OPN4: variants seen among roughly 807,000 people sequenced by gnomAD.
OPN4 encodes opsin 4.
Under a neutral mutation model 49.5 loss-of-function variants are expected in OPN4, and 43 were observed. That is an observed-to-expected ratio of 0.87 (90% CI 0.68 to 1.12). OPN4 has a LOEUF of 1.12. Ranked by LOEUF, OPN4 falls within the 50% of genes most tolerant of loss-of-function variation. The pLI is 0.00. For missense variants in OPN4, 657 were observed against 643.9 expected (o/e 1.02, Z -0.22); for synonymous variants, 263 against 258.0 (o/e 1.02, Z -0.19).
rs899754118 is a variant in OPN4 at position 86,666,167 on chromosome 10, C to T, written c.*416C>T. ...TGGCATAGGAAGGCCAGCCCCGCAT[C>T]TCCCACTGCCAACAGCTGAAGCCGA... On this transcript the variant is annotated 3_prime_UTR_variant, in exon 10 of 10. Transcript: ENST00000241891. 1 of 214,302 alleles carries T rather than the reference C, an allele frequency of 4.7e-6. No individual in the cohort carries two copies. The highest frequency in any genetic ancestry group is 5.4e-5 in the Admixed American group (1 of 18,680). The allele number at this position is 214,302 out of a possible 1,614,324, so 13.3% of individuals were successfully genotyped here.
intron 8 of OPN4, among the ~76,000 whole-genome samples, chr10:86,662,639 G>A (rs1206765094): frequency 6.6e-6 from 1 of 152,256 alleles, no homozygotes; most frequent in Non-Finnish European, 1.5e-5. Context: ...TAGGGCCAGA[G>A]CGGGGATGGT....
intron 4 of OPN4, among the ~76,000 whole-genome samples, 178 bp from the exon 5 acceptor site, chr10:86,659,119 G>A (rs1843939763): frequency 6.6e-6 from 1 of 152,200 alleles, no homozygotes; most frequent in Non-Finnish European, 1.5e-5. Context: ...GCAGGAATGG[G>A]AGGCAGTGGG....
Position 86,654,680 on chromosome 10 carries a change from G to A in OPN4, c.-104G>A. 6.7e-7 allele frequency: 1 copy of A among 1,483,070 alleles called. No homozygotes were observed. Among genetic ancestry groups the A allele is most frequent in the Non-Finnish European group, 9.2e-7 (1 of 1,092,582 alleles). The allele number at this position is 1,483,070 out of a possible 1,614,324, so 91.9% of individuals were successfully genotyped here. ...AGCAGCGGGTAGGCTAAGCAGGGGT[G>A]CTGAGGATGGAGGAAAGTTGGGAGG... On this transcript the variant is annotated 5_prime_UTR_variant, in exon 1 of 10. Transcript: ENST00000241891.
intron 2 of OPN4, among the ~76,000 whole-genome samples, chr10:86,656,543 C>T (rs1028614748): frequency 6.6e-6 from 1 of 152,166 alleles, no homozygotes; most frequent in Admixed American, 6.5e-5. Context: ...GGTGCATCCT[C>T]TGTGGAGGGT....
At chr10:86,658,301 G>A in intron 3 of OPN4, 136 bp downstream of exon 3, 2 of 1,318,250 alleles carry the variant, frequency 1.5e-6, no homozygotes, top group Non-Finnish European at 2.1e-6. Flanking sequence ...AGTCCTGTGA[G>A]TAAGCAAGAA....
chr10:86,656,248 G>C lies in OPN4; in HGVS notation c.238G>C (p.Val80Leu). 1.2e-6 allele frequency: 2 copies of C among 1,613,788 alleles called. No individual in the cohort carries two copies. Among genetic ancestry groups the C allele is most frequent in the Non-Finnish European group, 1.7e-6 (2 of 1,179,838 alleles). Residue 80 changes from valine (V) to leucine (L), a missense_variant, in exon 2 of 10, where the codon GTG (valine) becomes CTG (leucine). Transcript: ENST00000241891. ...HYTLGTVILL[V>L]GLTGMLGNLT... The stretch of plus-strand genomic sequence containing the variant: ...TACCCTGGGCACAGTGATCTTGCTG[G>C]TGGGACTCACGGGGATGCTGGGCAA...
chr10:86,663,593 G>GT (rs1844069981), intron 8 of OPN4, 66 bp from the exon 9 acceptor site: 3 of 1,398,392 alleles, frequency 2.1e-6, no homozygotes, highest in Non-Finnish European at 2.8e-6. Flanking sequence ...GCCTGGTGGG[G>GT]TAAGGGCAGG....
At chr10:86,663,624 C>T in intron 8 of OPN4, 35 bp from the exon 9 acceptor site, 1 of 1,467,786 alleles carries the variant, frequency 6.8e-7, no homozygotes, top group Non-Finnish European at 9.0e-7. Context: ...CGGACTGTCC[C>T]TCTCACCTCA....
At chr10:86,659,790 A>G in intron 5 of OPN4, 105 bp from the exon 6 acceptor site, 2 of 1,213,458 alleles carry the variant, frequency 1.6e-6, no homozygotes, top group Non-Finnish European at 2.3e-6. Flanking sequence ...CACTCTCACG[A>G]GTGCCCTGCA....
chr10:86,656,945 A>C (rs1843883061), intron 2 of OPN4, among the ~76,000 whole-genome samples: 2 of 40,288 alleles, frequency 5.0e-5, no homozygotes, highest in African/African-American at 6.5e-5. Flanking sequence ...ACTCCATCTC[A>C]AAAAAAAAAA....
chr10:86,657,557 C>T (rs1158282720), intron 2 of OPN4, among the ~76,000 whole-genome samples: 1 of 152,032 alleles, frequency 6.6e-6, no homozygotes, highest in Non-Finnish European at 1.5e-5. Context: ...GCGTGAGAAG[C>T]CATGGGAAAG....
chr10:86,662,413 T>C lies in OPN4; in HGVS notation c.1235T>C (p.Leu412Pro). The part of the protein sequence containing the change: ...WISIRRRQES[L>P]GSESEVGWTH... ...TCCATACGGAGGCGCCAGGAGTCCCTGGGCTCGGAGAGTGAGGTGGTAAGG... is the reference window on the plus strand; with the variant it reads ...TCCATACGGAGGCGCCAGGAGTCCCCGGGCTCGGAGAGTGAGGTGGTAAGG... The change falls in exon 8 of 10, where the codon CTG (leucine) becomes CCG (proline). Residue 412 changes from leucine to proline, a missense_variant. Physicochemically the swap from Leu to Pro is moderately conservative, Grantham distance 98. Coordinates refer to ENST00000241891, the MANE Select transcript of OPN4 (RefSeq NM_033282.4). The C allele has an allele frequency of 6.4e-7, 1 of 1,553,798 alleles. No individual in the cohort carries two copies. The highest frequency in any genetic ancestry group is 1.2e-5 in the South Asian group (1 of 84,380).
intron 2 of OPN4, among the ~76,000 whole-genome samples, chr10:86,656,646 G>T (rs111804753): frequency 6.6e-6 from 1 of 152,068 alleles, no homozygotes; most frequent in Non-Finnish European, 1.5e-5. Flanking sequence ...CTCCCCCTGC[G>T]TTGAAGAGCA....
At position 86,666,091 on chromosome 10, in the gene OPN4, G is replaced by A. The variant is rs1290174290; in HGVS notation, c.*340G>A. 1 of 335,826 alleles carries A rather than the reference G, an allele frequency of 3.0e-6. No homozygotes were observed. The highest frequency in any genetic ancestry group is 5.5e-6 in the Non-Finnish European group (1 of 182,532). The allele number at this position is 335,826 out of a possible 1,614,324, so 20.8% of individuals were successfully genotyped here. On this transcript the variant is annotated 3_prime_UTR_variant, in exon 10 of 10. Transcript: ENST00000241891. Reference sequence around the variant, plus strand: ...GGCGATGACAATGGTGATGGCTCCAGAGAACACACCAGCTATTTATGAGCC... The same window carrying A: ...GGCGATGACAATGGTGATGGCTCCAAAGAACACACCAGCTATTTATGAGCC...
Position 86,656,264 on chromosome 10 carries a change from T to G in OPN4, c.254T>G (p.Met85Arg), listed in dbSNP as rs1355297385. The G allele has an allele frequency of 1.2e-6, 2 of 1,612,892 alleles. No homozygotes were observed. The highest frequency in any genetic ancestry group is 1.7e-6 in the Non-Finnish European group (2 of 1,179,234). Residue 85 changes from methionine to arginine, a missense_variant, in exon 2 of 10, where the codon ATG (methionine) becomes AGG (arginine). Physicochemically the swap from Met to Arg is moderately conservative, Grantham distance 91. Transcript: ENST00000241891. ...TVILLVGLTGMLGNLTVIYTF... is the reference protein window; with the variant it reads ...TVILLVGLTGRLGNLTVIYTF... ...ATCTTGCTGGTGGGACTCACGGGGA[T>G]GCTGGGCAACCTGACGGTCATCTAT...
Position 86,658,482 on chromosome 10 carries a change from A to G in OPN4, c.425-2A>G. On this transcript the variant is annotated splice_acceptor_variant, in intron 3 of 9. Transcript: ENST00000241891. LOFTEE classifies it high-confidence loss of function. ...GACTCAGAGCAGGGGCTGTGCCCACAGGCTGCGAGTTCTATGCCTTCTGTG... is the reference window on the plus strand; with the variant it reads ...GACTCAGAGCAGGGGCTGTGCCCACGGGCTGCGAGTTCTATGCCTTCTGTG... The G allele has an allele frequency of 6.2e-7, 1 of 1,614,064 alleles. No individual in the cohort carries two copies. Among genetic ancestry groups the G allele is most frequent in the Non-Finnish European group, 8.5e-7 (1 of 1,180,000 alleles).
In OPN4 at chr10:86,663,781, C is replaced by T. The variant is rs141877399; in HGVS notation, c.1377C>T (p.His459=). The T allele has an allele frequency of 6.4e-5, 99 of 1,555,220 alleles. 2 individuals carry two copies. The highest frequency in any genetic ancestry group is 5.3e-4 in the South Asian group (45 of 84,352). ...EAKAPPRPQG[H]EAETPGKTKG... ...AGGCACCCCCCAGACCCCAGGGACA[C>T]GAAGCAGAGACTCCAGGGAAGGTGA... Residue 459 remains histidine, a synonymous_variant, in exon 9 of 10, where the codon CAC becomes CAT. Coordinates refer to ENST00000241891, the MANE Select transcript of OPN4 (RefSeq NM_033282.4).
In OPN4 at chr10:86,661,274, G is replaced by C; in HGVS notation, c.966-7G>C. 1 of 1,612,464 alleles carries C rather than the reference G, an allele frequency of 6.2e-7. No individual in the cohort carries two copies. The highest frequency in any genetic ancestry group is 8.5e-7 in the Non-Finnish European group (1 of 1,178,742). On this transcript the variant is annotated splice_region_variant and splice_polypyrimidine_tract_variant and intron_variant, in intron 6 of 9. Transcript: ENST00000241891. ...CTAGCTTGGGGACCACACCTTCTCT[G>C]TCCTAGGTACGCACACGTCCTGACA...
In OPN4 at chr10:86,662,415, G is replaced by A; in HGVS notation, c.1237G>A (p.Gly413Ser). The change falls in exon 8 of 10, where the codon GGC becomes AGC. Residue 413 changes from glycine to serine, a missense_variant. By Grantham distance (56) the Gly-to-Ser change is moderately conservative. Coordinates refer to ENST00000241891, the MANE Select transcript of OPN4 (RefSeq NM_033282.4). Reference sequence around the variant, plus strand: ...CATACGGAGGCGCCAGGAGTCCCTGGGCTCGGAGAGTGAGGTGGTAAGGAT... The same window carrying A: ...CATACGGAGGCGCCAGGAGTCCCTGAGCTCGGAGAGTGAGGTGGTAAGGAT... ...ISIRRRQESL[G>S]SESEVGWTHM... is the part of the protein sequence containing the mutation. The A allele has an allele frequency of 3.2e-5, 50 of 1,552,312 alleles. No individual in the cohort carries two copies. The highest frequency in any genetic ancestry group is 4.2e-5 in the Non-Finnish European group (48 of 1,150,000).
Sources: gnomAD v4.1 joint callset for allele counts (sites outside exome capture counted in the v4.1 genomes callset) on GRCh38, gnomAD v4.1.1 for gene constraint, MANE v1.5 for transcripts, NCBI Gene and HGNC (gene_info 2026-07-23, HGNC 2026-07-21) for gene names.